The following PCDHGB7 variants were observed in gnomAD, a reference collection of about 807,000 sequenced individuals.
PCDHGB7 encodes the protein protocadherin gamma subfamily B, 7.
A neutral mutation model predicts 61.4 loss-of-function variants in PCDHGB7; 37 were observed. The observed-to-expected ratio is 0.60, with a 90% confidence interval of 0.46 to 0.79. The LOEUF (loss-of-function observed/expected upper bound fraction) is 0.79, where lower values mean the gene tolerates loss of function less well. PCDHGB7 is among the 30% of genes least tolerant of loss of function. PCDHGB7 has a pLI of 0.00. For missense variants in PCDHGB7, 1,166 were observed against 1,202.5 expected (o/e 0.97, Z 0.45); for synonymous variants, 464 against 503.5 (o/e 0.92, Z 1.05).
Position 141,485,855 on chromosome 5 carries a change from C to A in PCDHGB7, c.2416-8952C>A. ...CCCGCCGAGATCTGGCACCGCAGAG[C>A]TCCGGGTATCCGTGCTGGACGTAAA... On this transcript the variant is annotated intron_variant, in intron 1 of 3. Transcript: ENST00000398594. The surrounding 1 kb of genome is among the most constrained non-coding windows in gnomAD (Gnocchi z 5.7). 6.2e-7 allele frequency: 1 copy of A among 1,614,196 alleles called. No homozygotes were observed. Among genetic ancestry groups the A allele is most frequent in the Non-Finnish European group, 8.5e-7 (1 of 1,180,036 alleles).
chr5:141,501,509 C>T lies in PCDHGB7; in HGVS notation c.2475-3884C>T, dbSNP rs1046763108. 4.6e-5 allele frequency among the ~76,000 whole-genome samples: 7 copies of T among 152,080 alleles called. No individual in the cohort carries two copies. The South Asian group carries it at 6.2e-4, about 14-fold the overall frequency. On this transcript the variant is annotated intron_variant, in intron 2 of 3. Transcript: ENST00000398594. The stretch of plus-strand genomic sequence containing the variant: ...ATATCTGCTGCTGGGGCTCCAAGGC[C>T]TCCAAGCTGAAGCCCAGTACGTTGT...
At chr5:141,468,324 C>T (rs1301315098) in intron 1 of PCDHGB7, 1 of 127,722 alleles carries the variant, frequency 7.8e-6, no homozygotes, top group Non-Finnish European at 1.6e-5. Context: ...ACGGTAAACT[C>T]CATCTCAAAA....
rs866878519 is a variant in PCDHGB7, at chr5:141,486,035, C to A, written c.2416-8772C>A. ...TTATTTCAGTGGTCATACCCCTGAT[C>A]GTGTAAGAAACCTCTTTAGCCTGCA... is the stretch of plus-strand genomic sequence containing the variant. On this transcript the variant is annotated intron_variant, in intron 1 of 3. Coordinates refer to ENST00000398594, the MANE Select transcript of PCDHGB7 (RefSeq NM_018927.4). This position sits in a 1 kb window ranked among gnomAD's most constrained non-coding sequence, Gnocchi z 5.0. The A allele has an allele frequency of 1.9e-6, 3 of 1,614,100 alleles. No homozygotes were observed. The East Asian group carries it at 6.7e-5, about 36-fold the overall frequency.
At position 141,431,134 on chromosome 5, in the gene PCDHGB7, C is replaced by T; in HGVS notation, c.2415+10860C>T. 1 of 1,614,212 alleles carries T rather than the reference C, an allele frequency of 6.2e-7. No homozygotes were observed. The highest frequency in any genetic ancestry group is 2.2e-5 in the East Asian group (1 of 44,890). On this transcript the variant is annotated intron_variant, in intron 1 of 3. Coordinates refer to ENST00000398594, the MANE Select transcript of PCDHGB7 (RefSeq NM_018927.4). This position sits in a 1 kb window ranked among gnomAD's most constrained non-coding sequence, Gnocchi z 4.8. ...ATGGAGTAGAAGTAGAAGTAAGGGA[C>T]ATTAACGACAATGCGCCTTACTTTC...
chr5:141,419,008 G>T lies in PCDHGB7; in HGVS notation c.1149G>T (p.Arg383Ser). The change falls in exon 1 of 4, where the codon AGG becomes AGT. Residue 383 changes from arginine (R) to serine (S), a missense_variant. Coordinates refer to ENST00000398594, the MANE Select transcript of PCDHGB7 (RefSeq NM_018927.4). ...ACTCAGGGGAAAATGGGGAAGTCAG[G>T]TGTAGCTTAAGTAGAGGTGTTCCAT... Reference protein sequence around the residue: ...DQDSGENGEVRCSLSRGVPFK... With the variant: ...DQDSGENGEVSCSLSRGVPFK... 1 of 1,613,978 alleles carries T rather than the reference G, an allele frequency of 6.2e-7. No homozygotes were observed. The highest frequency in any genetic ancestry group is 8.5e-7 in the Non-Finnish European group (1 of 1,179,874).
rs773899530 is a variant in PCDHGB7 at position 141,494,864 on chromosome 5, G to C, written c.2473G>C (p.Gly825Arg). ...FSQAQRPGTS[G>R]SQNGDDTGTW... ...TCAGGCCCAGAGACCCGGCACCAGCGGGTAGGTGACTGATTCTCCAGCCCA... is the reference window on the plus strand; with the variant it reads ...TCAGGCCCAGAGACCCGGCACCAGCCGGTAGGTGACTGATTCTCCAGCCCA... The change falls in exon 2 of 4, where the codon GGC becomes CGC. Residue 825 changes from glycine (G) to arginine (R), a missense_variant and splice_region_variant. Transcript: ENST00000398594. The C allele has an allele frequency of 1.2e-6, 2 of 1,614,068 alleles. No individual in the cohort carries two copies. Among genetic ancestry groups the C allele is most frequent in the Middle Eastern group, 1.6e-4 (1 of 6,062 alleles).
Position 141,490,198 on chromosome 5 carries a change from G to A in PCDHGB7, c.2416-4609G>A. ...GGAGTCACGTTTCTATGAAATTCAT[G>A]CAAGAGCCCGTGACCAGGGACAGCC... On this transcript the variant is annotated intron_variant, in intron 1 of 3. Coordinates refer to ENST00000398594, the MANE Select transcript of PCDHGB7 (RefSeq NM_018927.4). The surrounding 1 kb of genome is among the most constrained non-coding windows in gnomAD (Gnocchi z 5.4). The A allele has an allele frequency of 6.2e-7, 1 of 1,614,208 alleles. No homozygotes were observed. Among genetic ancestry groups the A allele is most frequent in the Non-Finnish European group, 8.5e-7 (1 of 1,180,038 alleles).
rs766151180 is a variant in PCDHGB7 at position 141,432,210 on chromosome 5, A to G, written c.2415+11936A>G. On this transcript the variant is annotated intron_variant, in intron 1 of 3. Transcript: ENST00000398594. This position sits in a 1 kb window ranked among gnomAD's most constrained non-coding sequence, Gnocchi z 6.0. Reference sequence around the variant, plus strand: ...GCCCACGACCCCGACTGTGAAGAGAACGCCCAGATCACTTATTCCCTGGCT... The same window carrying G: ...GCCCACGACCCCGACTGTGAAGAGAGCGCCCAGATCACTTATTCCCTGGCT... 1 of 1,614,138 alleles carries G rather than the reference A, an allele frequency of 6.2e-7. No individual in the cohort carries two copies. Among genetic ancestry groups the G allele is most frequent in the Non-Finnish European group, 8.5e-7 (1 of 1,180,018 alleles).
chr5:141,458,594 G>A (rs1226490392), intron 1 of PCDHGB7, among the ~76,000 whole-genome samples: 2 of 151,612 alleles, frequency 1.3e-5, no homozygotes, highest in South Asian at 2.1e-4. Flanking sequence ...TTTTGGAGAC[G>A]AGTCTCACTC....
chr5:141,509,224 T>G (rs1241668369), intron 3 of PCDHGB7, among the ~76,000 whole-genome samples: 3 of 152,176 alleles, frequency 2.0e-5, no homozygotes, highest in Non-Finnish European at 2.9e-5. Flanking sequence ...AATCCCTGGT[T>G]GATGTCCCAG....
rs759356451 is a variant in PCDHGB7, at chr5:141,476,397, G to C, written c.2416-18410G>C. On this transcript the variant is annotated intron_variant, in intron 1 of 3. Transcript: ENST00000398594. The surrounding 1 kb of genome is among the most constrained non-coding windows in gnomAD (Gnocchi z 7.6). ...ATGTTTGTGAACGACCGTCTGGATC[G>C]AGAGGAGCTGTGTGGGACACTGCCC... The C allele has an allele frequency of 6.2e-7, 1 of 1,614,142 alleles. No individual in the cohort carries two copies. The highest frequency in any genetic ancestry group is 8.5e-7 in the Non-Finnish European group (1 of 1,180,036).
At chr5:141,453,919 C>T (rs142719452) in intron 1 of PCDHGB7, among the ~76,000 whole-genome samples, 2 of 152,318 alleles carry the variant, frequency 1.3e-5, no homozygotes, top group African/African-American at 4.8e-5. Flanking sequence ...TGTCAGTGAT[C>T]AGTCACTGTG....
intron 2 of PCDHGB7, among the ~76,000 whole-genome samples, chr5:141,500,508 C>T (rs2099801020): frequency 6.6e-6 from 1 of 152,078 alleles, no homozygotes; most frequent in African/African-American, 2.4e-5. Context: ...CGCGCCTGGC[C>T]GAGCTTCATT....
At chr5:141,444,152 A>ATTTTTTTTTTTT (rs747671382) in intron 1 of PCDHGB7, among the ~76,000 whole-genome samples, 4 of 33,898 alleles carry the variant, frequency 1.2e-4, no homozygotes, top group Admixed American at 3.9e-4. Flanking sequence ...TGTGTACTGG[A>ATTTTTTTTTTTT]TTTTTTTTTT....
intron 1 of PCDHGB7, among the ~76,000 whole-genome samples, chr5:141,453,288 A>AT (rs2098760999): frequency 2.0e-5 from 3 of 151,342 alleles, no homozygotes; most frequent in African/African-American, 7.3e-5. Flanking sequence ...TAATTTTTTA[A>AT]TTATTTATTT....
rs539905795 is a variant in PCDHGB7, at chr5:141,419,910, C to T, written c.2051C>T (p.Ser684Phe). 1.5e-5 allele frequency: 25 copies of T among 1,614,086 alleles called. No individual in the cohort carries two copies. In the South Asian group the frequency reaches 2.4e-4, roughly 16 times the overall value. Residue 684 changes from serine (S) to phenylalanine (F), a missense_variant, in exon 1 of 4, where the codon TCC (serine) becomes TTC (phenylalanine). Coordinates refer to ENST00000398594, the MANE Select transcript of PCDHGB7 (RefSeq NM_018927.4). ...AGCGACCATCCCACACCCTCTGACT[C>T]CCAGGCTGAGATGCAGTTTTACCTG... Reference protein sequence around the residue: ...DFSDHPTPSDSQAEMQFYLVV... With the variant: ...DFSDHPTPSDFQAEMQFYLVV...
chr5:141,419,452 G>T lies in PCDHGB7; in HGVS notation c.1593G>T (p.Thr531=), dbSNP rs1590172506. The T allele has an allele frequency of 6.2e-7, 1 of 1,612,754 alleles. No homozygotes were observed. Among genetic ancestry groups the T allele is most frequent in the Non-Finnish European group, 8.5e-7 (1 of 1,179,620 alleles). ...DHEQLRTFEL[T]LQARDQGSPA... ...AGCAGCTGCGCACCTTCGAGCTCAC[G>T]CTGCAGGCCCGCGACCAGGGCTCGC... Residue 531 remains threonine, a synonymous_variant, in exon 1 of 4, where the codon ACG becomes ACT. Transcript: ENST00000398594.
At position 141,431,906 on chromosome 5, in the gene PCDHGB7, A is replaced by G; in HGVS notation, c.2415+11632A>G. 1 of 1,613,868 alleles carries G rather than the reference A, an allele frequency of 6.2e-7. No individual in the cohort carries two copies. Among genetic ancestry groups the G allele is most frequent in the Non-Finnish European group, 8.5e-7 (1 of 1,179,692 alleles). On this transcript the variant is annotated intron_variant, in intron 1 of 3. Transcript: ENST00000398594. This position sits in a 1 kb window ranked among gnomAD's most constrained non-coding sequence, Gnocchi z 4.8. ...AGATTCTGAGGAAAACGGACAGGTG[A>G]TCTGTTTCATCCAAGGAAATCTGCC...
intron 1 of PCDHGB7, chr5:141,421,506 G>T: frequency 6.2e-7 from 1 of 1,614,076 alleles, no homozygotes; most frequent in Non-Finnish European, 8.5e-7. Context: ...GGATAGACCG[G>T]GAGGAGCTCT....
Sources: allele counts gnomAD v4.1 joint callset (sites outside exome capture counted in the v4.1 genomes callset), GRCh38; gene constraint gnomAD v4.1.1; non-coding constraint Gnocchi (gnomAD v3.1); transcripts MANE v1.5; gene names NCBI Gene and HGNC (gene_info 2026-07-23, HGNC 2026-07-21).